Variants in AGBL4 observed in about 807,000 individuals in gnomAD.
AGBL4 encodes the protein cytosolic carboxypeptidase 6.
In AGBL4, 58 loss-of-function variants were observed where a neutral mutation model predicts 66.4. The observed-to-expected ratio is 0.87, with a 90% confidence interval of 0.71 to 1.09. The LOEUF is 1.09. AGBL4 is among the 50% of genes least tolerant of loss of function. The pLI, the probability that AGBL4 is intolerant of heterozygous loss-of-function variation, is 0.00. For missense variants in AGBL4, 579 were observed against 631.0 expected (o/e 0.92, Z 0.88); for synonymous variants, 234 against 222.9 (o/e 1.05, Z -0.44).
intron 1 of AGBL4, among the ~76,000 whole-genome samples, chr1:49,925,956 A>G (rs981845669): frequency 6.6e-6 from 1 of 151,966 alleles, no homozygotes; most frequent in African/African-American, 2.4e-5. Flanking sequence ...AGAACTTGCC[A>G]CCCTGAAGGA....
chr1:49,060,128 T>C lies in AGBL4; in HGVS notation c.378-14328A>G, dbSNP rs537901632. On this transcript the variant is annotated intron_variant, in intron 4 of 13. Transcript: ENST00000371839. ...GGTTTGGCTGTGTCTCCACCCAATC[T>C]CATCTTTAATTGTACTTCCCATAAG... is the stretch of plus-strand genomic sequence containing the variant. 3.3e-5 allele frequency among the ~76,000 whole-genome samples: 5 copies of C among 152,252 alleles called. No homozygotes were observed. In the East Asian group the frequency reaches 9.7e-4, roughly 29 times the overall value.
chr1:49,457,825 C>T (rs1372966416), intron 3 of AGBL4, among the ~76,000 whole-genome samples: 3 of 151,684 alleles, frequency 2.0e-5, no homozygotes, highest in Non-Finnish European at 4.4e-5. Flanking sequence ...GTGTCCTTTC[C>T]CCACTTTATG....
At chr1:48,800,088 T>G (rs1294267908) in intron 6 of AGBL4, among the ~76,000 whole-genome samples, 3 of 152,246 alleles carry the variant, frequency 2.0e-5, no homozygotes, top group African/African-American at 7.2e-5. Context: ...AATTCTTCTT[T>G]GAATGCCTGA....
chr1:49,014,617 T>C (rs1481513614), intron 5 of AGBL4, among the ~76,000 whole-genome samples: 1 of 152,152 alleles, frequency 6.6e-6, no homozygotes, highest in Non-Finnish European at 1.5e-5. Flanking sequence ...AGCCTCTTCA[T>C]ATTATTTTTT....
chr1:49,706,397 C>T (rs1052496203), intron 2 of AGBL4, among the ~76,000 whole-genome samples: 2 of 151,892 alleles, frequency 1.3e-5, no homozygotes, highest in African/African-American at 4.8e-5. Context: ...TGGTGATATC[C>T]CCTTTATCAT....
intron 2 of AGBL4, among the ~76,000 whole-genome samples, chr1:49,726,164 T>G (rs1649017504): frequency 6.6e-6 from 1 of 152,116 alleles, no homozygotes; most frequent in Non-Finnish European, 1.5e-5. Flanking sequence ...GTTTATCAGA[T>G]CAAGGTGGTT....
intron 5 of AGBL4, among the ~76,000 whole-genome samples, chr1:48,872,292 C>T (rs1051393056): frequency 6.6e-6 from 1 of 152,050 alleles, no homozygotes; most frequent in Non-Finnish European, 1.5e-5. Context: ...CAAGTCTAAT[C>T]CTGTGCAACA....
chr1:48,952,926 ATTC>A (rs1176661012), intron 5 of AGBL4, among the ~76,000 whole-genome samples: 1 of 152,076 alleles, frequency 6.6e-6, no homozygotes, highest in East Asian at 1.9e-4. Context: ...GCCCAAAACA[ATTC>A]TTCTCCTTCC....
intron 4 of AGBL4, among the ~76,000 whole-genome samples, chr1:49,176,104 T>C (rs930252900): frequency 3.9e-5 from 6 of 152,144 alleles, no homozygotes; most frequent in Admixed American, 1.3e-4. Flanking sequence ...TAAGTATTAA[T>C]TCCATAAAGG....
At chr1:49,184,571 C>T (rs1243425944) in intron 4 of AGBL4, among the ~76,000 whole-genome samples, 1 of 152,118 alleles carries the variant, frequency 6.6e-6, no homozygotes, top group Non-Finnish European at 1.5e-5. Flanking sequence ...TACAGGTTGC[C>T]AGGAACCCCG....
At chr1:49,571,023 C>A (rs1217653059) in intron 3 of AGBL4, among the ~76,000 whole-genome samples, 1 of 151,736 alleles carries the variant, frequency 6.6e-6, no homozygotes, top group Admixed American at 6.6e-5. Flanking sequence ...TAATATGATG[C>A]CTCTAGCTTC....
At chr1:48,534,404 A>G in intron 13 of AGBL4, 111 bp from the exon 14 acceptor site, 1 of 1,379,072 alleles carries the variant, frequency 7.3e-7, no homozygotes, top group Non-Finnish European at 9.6e-7. Flanking sequence ...TCCCAGGAAC[A>G]GTAACCTAGT....
At chr1:49,841,899 G>T in intron 2 of AGBL4, 1 of 630,112 alleles carries the variant, frequency 1.6e-6, no homozygotes. Flanking sequence ...TGACCCCTGG[G>T]CTGCCTGTCT....
intron 6 of AGBL4, chr1:48,728,079 G>C (rs564039714): frequency 6.5e-7 from 1 of 1,529,684 alleles, no homozygotes; most frequent in Admixed American, 2.0e-5. Flanking sequence ...AAGGATTAAT[G>C]GTGAATTCAA....
At chr1:48,780,942 C>G (rs1031133041) in intron 6 of AGBL4, among the ~76,000 whole-genome samples, 1 of 152,188 alleles carries the variant, frequency 6.6e-6, no homozygotes, top group Non-Finnish European at 1.5e-5. Context: ...TCTAATTAAA[C>G]TAAAGAGCTT....
intron 1 of AGBL4, among the ~76,000 whole-genome samples, chr1:49,943,843 A>G (rs1005354859): frequency 1.3e-5 from 2 of 152,092 alleles, no homozygotes; most frequent in Non-Finnish European, 2.9e-5. Flanking sequence ...GGGAAGCATG[A>G]AAGCCCTACT....
chr1:49,830,793 A>G (rs1645650948), intron 2 of AGBL4, among the ~76,000 whole-genome samples: 2 of 152,280 alleles, frequency 1.3e-5, no homozygotes, highest in South Asian at 4.1e-4. Context: ...TATAAGGTGT[A>G]AGGAAGGGGT....
rs186459912 is a variant in AGBL4, at chr1:49,213,520, C to T, written c.377+32250G>A. ...CTCCCCCCACCCTTGCTCCTATTTC[C>T]GCCATGTGAGACGCTTGCTCCTCAT... On this transcript the variant is annotated intron_variant, in intron 4 of 13. Coordinates refer to ENST00000371839, the MANE Select transcript of AGBL4 (RefSeq NM_032785.4). Among the ~76,000 whole-genome samples, 7 of 152,068 alleles carry T rather than the reference C, an allele frequency of 4.6e-5. No homozygotes were observed. The East Asian group carries it at 1.2e-3, about 25-fold the overall frequency.
At chr1:49,917,998 G>A (rs973155540) in intron 1 of AGBL4, among the ~76,000 whole-genome samples, 4 of 152,090 alleles carry the variant, frequency 2.6e-5, no homozygotes, top group Admixed American at 6.5e-5. Context: ...GGTACATAAC[G>A]AAATGAAGGC....
Sources: allele counts gnomAD v4.1 joint callset (sites outside exome capture counted in the v4.1 genomes callset), GRCh38; gene constraint gnomAD v4.1.1; transcripts MANE v1.5; gene names NCBI Gene and HGNC (gene_info 2026-07-23, HGNC 2026-07-21).